MYO1E: variants seen among roughly 807,000 people sequenced by gnomAD.
The protein encoded by MYO1E is unconventional myosin-Ie.
In MYO1E, 68 loss-of-function variants were observed where a neutral mutation model predicts 151.1. The observed-to-expected ratio is 0.45, with a 90% confidence interval of 0.37 to 0.55. MYO1E has a LOEUF of 0.55. Among genes scored for constraint, MYO1E ranks in the 20% least tolerant of loss-of-function variants. The pLI is 0.00. For missense variants in MYO1E, 1,363 were observed against 1,389.3 expected, an observed-to-expected ratio of 0.98 and a Z score of 0.30; for synonymous variants, 601 against 501.7, an observed-to-expected ratio of 1.20 and a Z score of -2.64.
intron 1 of MYO1E, among the ~76,000 whole-genome samples, chr15:59,275,124 C>T (rs748096832): frequency 2.0e-5 from 3 of 152,148 alleles, no homozygotes; most frequent in South Asian, 2.1e-4. Flanking sequence ...ACCGAAGATT[C>T]GATGACTATG....
At chr15:59,262,457 A>T (rs993216431) in intron 2 of MYO1E, among the ~76,000 whole-genome samples, 3 of 152,030 alleles carry the variant, frequency 2.0e-5, no homozygotes, top group Non-Finnish European at 4.4e-5. Flanking sequence ...TCTCTAAAAA[A>T]ACAAAAACAA....
rs1555405809 is a variant in MYO1E at position 59,133,795 on chromosome 15, G to C, written c.*3585C>G. On this transcript the variant is annotated 3_prime_UTR_variant, in exon 28 of 28. Transcript: ENST00000288235. ...CTACTGCCAGTGAAATCTTAACTGG[G>C]ACAACACCTATAAAAGAAATGGTAG... 1 of 152,318 alleles carries C rather than the reference G, an allele frequency of 6.6e-6. No individual in the cohort carries two copies. The highest frequency in any genetic ancestry group is 1.5e-5 in the Non-Finnish European group (1 of 68,144). 9.4% of individuals were successfully genotyped at this position (152,318 alleles called of 1,614,324 possible).
At chr15:59,167,762 C>T (rs767755402) in intron 22 of MYO1E, among the ~76,000 whole-genome samples, 11 of 152,152 alleles carry the variant, frequency 7.2e-5, no homozygotes, top group East Asian at 3.8e-4. Context: ...CTGCACCCTC[C>T]GCCTCCTGGG....
At chr15:59,207,583 G>A in intron 14 of MYO1E, 1 of 1,614,122 alleles carries the variant, frequency 6.2e-7, no homozygotes, top group Non-Finnish European at 8.5e-7. Context: ...CTGTAATCTG[G>A]ATACTGCTCG....
intron 1 of MYO1E, among the ~76,000 whole-genome samples, chr15:59,358,802 C>T (rs2140439405): frequency 6.6e-6 from 1 of 152,210 alleles, no homozygotes; most frequent in Non-Finnish European, 1.5e-5. Context: ...TCTAATACAC[C>T]ATTATGTTTG....
intron 6 of MYO1E, 111 bp downstream of exon 6, chr15:59,231,591 C>A (rs1419770322): frequency 8.8e-7 from 1 of 1,135,834 alleles, no homozygotes; most frequent in South Asian, 1.3e-5. Flanking sequence ...GAAGAGGTGG[C>A]CTCCTGATGA....
At chr15:59,181,605 C>T (rs1405913445) in intron 18 of MYO1E, among the ~76,000 whole-genome samples, 1 of 152,182 alleles carries the variant, frequency 6.6e-6, no homozygotes, top group African/African-American at 2.4e-5. Context: ...TTTTGCTCTC[C>T]AATATTCAGT....
At chr15:59,240,200 C>T (rs68078916) in intron 4 of MYO1E, among the ~76,000 whole-genome samples, 25,726 of 152,074 alleles carry the variant, frequency 0.17, 2,892 homozygotes, top group East Asian at 0.53. Context: ...TGTCTGGGCC[C>T]GTCTTCTGAC....
At chr15:59,138,448 G>C (rs765564400) in intron 26 of MYO1E, 81 bp from the exon 27 acceptor site, 18 of 1,473,138 alleles carry the variant, frequency 1.2e-5, no homozygotes, top group Non-Finnish European at 1.7e-5. Flanking sequence ...CATGGCGGCC[G>C]GCACTGGCCT....
chr15:59,198,444 C>CA (rs2079781050), intron 16 of MYO1E, among the ~76,000 whole-genome samples: 2 of 152,180 alleles, frequency 1.3e-5, no homozygotes. Flanking sequence ...CTCTGGTCCT[C>CA]AGTTCTCTAT....
rs2080328239 is a variant in MYO1E at position 59,277,564 on chromosome 15, A to AAAAAAAAAC, written c.4-5116_4-5115insGTTTTTTTT. On this transcript the variant is annotated intron_variant, in intron 1 of 27. Transcript: ENST00000288235. ...ATCCCCCCACAAAAAAAAAAAAAAA[A>AAAAAAAAAC]AAAAAAAAACATCAAAGCCTCATCC... is the stretch of plus-strand genomic sequence containing the variant. Among the ~76,000 whole-genome samples the AAAAAAAAAC allele has an allele frequency of 5.2e-3, 722 of 139,836 alleles. 16 individuals carry two copies. Among genetic ancestry groups the AAAAAAAAAC allele is most frequent in the African/African-American group, 0.018 (661 of 36,088 alleles). The allele number at this position is 139,836 out of a possible 152,430, so 91.7% of individuals were successfully genotyped here.
intron 1 of MYO1E, among the ~76,000 whole-genome samples, chr15:59,326,515 C>G (rs1186243151): frequency 6.6e-6 from 1 of 152,132 alleles, no homozygotes; most frequent in Non-Finnish European, 1.5e-5. Context: ...GAGCAAGACT[C>G]CATCTCAAAA....
Position 59,212,207 on chromosome 15 carries a change from A to G in MYO1E, c.1276-1607T>C, listed in dbSNP as rs1187606292. Among the ~76,000 whole-genome samples, 5 of 151,984 alleles carry G rather than the reference A, an allele frequency of 3.3e-5. No homozygotes were observed. In the East Asian group the frequency reaches 9.7e-4, roughly 30 times the overall value. On this transcript the variant is annotated intron_variant, in intron 12 of 27. Transcript: ENST00000288235. Reference sequence around the variant, plus strand: ...AGAGGTTCACAGGAAACCCATATGGAAACTACCAAACCAGTTAGGAGACTA... The same window carrying G: ...AGAGGTTCACAGGAAACCCATATGGGAACTACCAAACCAGTTAGGAGACTA...
intron 26 of MYO1E, among the ~76,000 whole-genome samples, chr15:59,139,411 T>G (rs561395627): frequency 3.3e-4 from 50 of 150,494 alleles, no homozygotes; most frequent in African/African-American, 1.2e-3. Context: ...CCCTCATTAT[T>G]ACTCCTCACA....
intron 1 of MYO1E, among the ~76,000 whole-genome samples, chr15:59,304,018 T>G (rs2080499963): frequency 6.6e-6 from 1 of 150,920 alleles, no homozygotes; most frequent in Non-Finnish European, 1.5e-5. Context: ...GTTTCGCTCT[T>G]GTCACCCAGG....
At position 59,223,127 on chromosome 15, in the gene MYO1E, C is replaced by A; in HGVS notation, c.842G>T (p.Gly281Val). ...EQTLVLQIVA[G>V]ILHLGNISFK... ...GCTGATGTTTCCCAGGTGGAGAATA[C>A]CCGCCACTATCTGCAACACCAGCGT... Residue 281 changes from glycine (G) to valine (V), a missense_variant, in exon 9 of 28, where the codon GGT (glycine) becomes GTT (valine). Transcript: ENST00000288235. The A allele has an allele frequency of 1.2e-6, 2 of 1,614,136 alleles. No homozygotes were observed. Among genetic ancestry groups the A allele is most frequent in the Non-Finnish European group, 8.5e-7 (1 of 1,180,016 alleles).
At chr15:59,276,609 C>A (rs774510301) in intron 1 of MYO1E, among the ~76,000 whole-genome samples, 25 of 152,324 alleles carry the variant, frequency 1.6e-4, no homozygotes, top group Middle Eastern at 3.4e-3. Context: ...GCAGTTGATT[C>A]ATGTGCAAGT....
intron 4 of MYO1E, among the ~76,000 whole-genome samples, chr15:59,243,580 G>C (rs1419817714): frequency 1.3e-5 from 2 of 152,106 alleles, no homozygotes; most frequent in Non-Finnish European, 2.9e-5. Context: ...ACTGCTCAGA[G>C]GACGGTAAAC....
intron 15 of MYO1E, among the ~76,000 whole-genome samples, chr15:59,205,128 A>T (rs1566977949): frequency 6.6e-6 from 1 of 152,152 alleles, no homozygotes; most frequent in African/African-American, 2.4e-5. Flanking sequence ...TAACCACTAA[A>T]CATCACAGGT....
Sources: gnomAD v4.1 joint callset for allele counts (sites outside exome capture counted in the v4.1 genomes callset) on GRCh38, gnomAD v4.1.1 for gene constraint, MANE v1.5 for transcripts, NCBI Gene and HGNC (gene_info 2026-07-23, HGNC 2026-07-21) for gene names.